Variants in SEMA6D observed in about 807,000 individuals in gnomAD.
The protein encoded by SEMA6D is semaphorin-6D.
In SEMA6D, 35 loss-of-function variants were observed where a neutral mutation model predicts 106.6. That is an observed-to-expected ratio of 0.33 (90% CI 0.25 to 0.44). SEMA6D has a LOEUF of 0.44. Ranked by LOEUF, SEMA6D falls within the 20% of genes least tolerant of loss-of-function variation. The pLI is 1.00. For synonymous variants in SEMA6D, 499 were observed against 487.7 expected (o/e 1.02, Z -0.31); for missense variants, 1,185 against 1,345.9 (o/e 0.88, Z 1.87).
rs1442620475 is a variant in SEMA6D, at chr15:47,748,661, AC to A, written c.-54-11083del. 3.3e-5 allele frequency among the ~76,000 whole-genome samples: 5 copies of A among 152,336 alleles called. No individual in the cohort carries two copies. In the East Asian group the frequency reaches 9.6e-4, roughly 29 times the overall value. Reference sequence around the variant, plus strand: ...AGAAAGAATAGCGTGTGCAGAAGACACTGCTTAGGGATCCAGGTGGGGAAGT... The same window carrying A: ...AGAAAGAATAGCGTGTGCAGAAGACATGCTTAGGGATCCAGGTGGGGAAGT... On this transcript the variant is annotated intron_variant, in intron 1 of 18. Coordinates refer to ENST00000536845, the MANE Select transcript of SEMA6D (RefSeq NM_001358351.3).
rs540740368 is a variant in SEMA6D, at chr15:47,197,257, T to C, written c.-239+12839T>C. ...TGATGATTTGATGCTGTACCCTGTA[T>C]ACGAGGTTATCTTCCAGATGTTTAG... On this transcript the variant is annotated intron_variant, in intron 1 of 19. Coordinates refer to the SEMA6D transcript ENST00000558014. Among the ~76,000 whole-genome samples the C allele has an allele frequency of 3.9e-5, 6 of 152,328 alleles. No homozygotes were observed. The South Asian group carries it at 8.3e-4, about 21-fold the overall frequency.
chr15:47,704,110 G>A lies in SEMA6D; in HGVS notation c.-54-55635G>A, dbSNP rs555831135. 7.2e-5 allele frequency among the ~76,000 whole-genome samples: 11 copies of A among 152,060 alleles called. No individual in the cohort carries two copies. The South Asian group carries it at 2.1e-3, about 29-fold the overall frequency. Reference sequence around the variant, plus strand: ...AGCACATGAAATAAGCTCTTCTATGGCTTATTTTTATCTGTCAGTATATAG... The same window carrying A: ...AGCACATGAAATAAGCTCTTCTATGACTTATTTTTATCTGTCAGTATATAG... On this transcript the variant is annotated intron_variant, in intron 4 of 19. Transcript: ENST00000558014.
At chr15:47,245,030 G>GTT (rs71425590) in intron 1 of SEMA6D, among the ~76,000 whole-genome samples, 3,807 of 147,780 alleles carry the variant, frequency 0.026, 139 homozygotes, top group African/African-American at 0.083. Flanking sequence ...ACATGATTTT[G>GTT]TTTTTTTTTT....
At chr15:47,559,043 T>C (rs2045999470) in intron 3 of SEMA6D, among the ~76,000 whole-genome samples, 1 of 151,992 alleles carries the variant, frequency 6.6e-6, no homozygotes, top group Admixed American at 6.6e-5. Context: ...AGCTTATGAT[T>C]TTGAATGGAT....
intron 1 of SEMA6D, among the ~76,000 whole-genome samples, chr15:47,732,260 T>C (rs985245490): frequency 6.6e-5 from 10 of 152,196 alleles, no homozygotes; most frequent in African/African-American, 2.2e-4. Flanking sequence ...TGCTCCAAGG[T>C]TGGTTAATTC....
chr15:47,259,672 T>A (rs941877157), intron 1 of SEMA6D, among the ~76,000 whole-genome samples: 2 of 152,210 alleles, frequency 1.3e-5, no homozygotes, highest in Non-Finnish European at 2.9e-5. Context: ...TCTCTGGATT[T>A]ATCTTATTTG....
At chr15:47,325,286 G>A (rs2037086671) in intron 1 of SEMA6D, among the ~76,000 whole-genome samples, 1 of 151,966 alleles carries the variant, frequency 6.6e-6, no homozygotes, top group Non-Finnish European at 1.5e-5. Context: ...TGATTCTCCT[G>A]CCTCAGCCTT....
chr15:47,558,968 A>G (rs1199842540), intron 3 of SEMA6D, among the ~76,000 whole-genome samples: 1 of 152,090 alleles, frequency 6.6e-6, no homozygotes, highest in Non-Finnish European at 1.5e-5. Context: ...GATGGGTTTG[A>G]AAGGGAAAAG....
At chr15:47,616,081 C>T (rs893251106) in intron 4 of SEMA6D, among the ~76,000 whole-genome samples, 9 of 152,202 alleles carry the variant, frequency 5.9e-5, no homozygotes, top group African/African-American at 1.2e-4. Flanking sequence ...AGTATGATTA[C>T]GTCTTATTTG....
At chr15:47,359,348 CATA>C (rs1055486870) in intron 1 of SEMA6D, 1 of 151,910 alleles carries the variant, frequency 6.6e-6, no homozygotes, top group Non-Finnish European at 1.5e-5. Context: ...TTTCCTTAAC[CATA>C]ATAATAATTT....
At chr15:47,310,939 A>G (rs1211053945) in intron 1 of SEMA6D, among the ~76,000 whole-genome samples, 4 of 152,222 alleles carry the variant, frequency 2.6e-5, no homozygotes, top group Non-Finnish European at 1.5e-5. Flanking sequence ...ATTAGGATCA[A>G]TTATATACTG....
At chr15:47,565,272 C>T (rs898638013) in intron 3 of SEMA6D, among the ~76,000 whole-genome samples, 8 of 152,172 alleles carry the variant, frequency 5.3e-5, no homozygotes, top group African/African-American at 1.2e-4. Context: ...TGCCCCAAAG[C>T]GCTCACCCCA....
intron 3 of SEMA6D, among the ~76,000 whole-genome samples, chr15:47,541,868 CT>C (rs10715926): frequency 0.11 from 16,449 of 152,140 alleles, 1,366 homozygotes; most frequent in African/African-American, 0.23. Flanking sequence ...GTTCTCTGTG[CT>C]GTTGCTGAAT....
In SEMA6D at chr15:47,774,175, G is replaced by T. The variant is rs1159502552; in HGVS notation, c.*2390G>T. 1 of 152,436 alleles carries T rather than the reference G, an allele frequency of 6.6e-6. No homozygotes were observed. The highest frequency in any genetic ancestry group is 2.4e-5 in the African/African-American group (1 of 41,390). 9.4% of individuals were successfully genotyped at this position (152,436 alleles called of 1,614,324 possible). On this transcript the variant is annotated 3_prime_UTR_variant, in exon 19 of 19. Coordinates refer to ENST00000536845, the MANE Select transcript of SEMA6D (RefSeq NM_001358351.3). ...GATGTGTAAATAATATGTACTTTGG[G>T]TTTTTAACACCGCATGTAAAGTCAA...
At position 47,759,176 on chromosome 15, in the gene SEMA6D, G is replaced by A. The variant is rs146481219; in HGVS notation, c.-54-569G>A. Reference sequence around the variant, plus strand: ...GGGTCATTCGTGTCATTGTCTCCACGTTGGTCGTAGTAAGCATAGGGAAAT... The same window carrying A: ...GGGTCATTCGTGTCATTGTCTCCACATTGGTCGTAGTAAGCATAGGGAAAT... On this transcript the variant is annotated intron_variant, in intron 1 of 18. Transcript: ENST00000536845. 7.1e-3 allele frequency among the ~76,000 whole-genome samples: 1,081 copies of A among 152,116 alleles called. 5 individuals carry two copies. Among genetic ancestry groups the A allele is most frequent in the Non-Finnish European group, 0.012 (790 of 67,990 alleles).
intron 3 of SEMA6D, among the ~76,000 whole-genome samples, chr15:47,536,414 T>C (rs192618868): frequency 2.1e-4 from 32 of 152,328 alleles, no homozygotes; most frequent in Middle Eastern, 3.4e-3. Flanking sequence ...TCCATTCTTA[T>C]TGGGGACACA....
intron 4 of SEMA6D, among the ~76,000 whole-genome samples, chr15:47,704,498 C>G (rs995226439): frequency 1.3e-5 from 2 of 152,274 alleles, no homozygotes; most frequent in African/African-American, 2.4e-5. Flanking sequence ...ATGGGCAGAT[C>G]ACTTGAGCCC....
At chr15:47,185,021 A>G (rs1893460092) in intron 1 of SEMA6D, among the ~76,000 whole-genome samples, 3 of 152,084 alleles carry the variant, frequency 2.0e-5, no homozygotes, top group African/African-American at 7.2e-5. Context: ...GGGGGCACCC[A>G]GAGCCCCGAA....
At chr15:47,744,852 C>A (rs1432622163) in intron 1 of SEMA6D, among the ~76,000 whole-genome samples, 2 of 152,086 alleles carry the variant, frequency 1.3e-5, no homozygotes, top group Admixed American at 6.5e-5. Flanking sequence ...AGTGAAGAAC[C>A]TTTTTCAATG....
Sources: gnomAD v4.1 joint callset for allele counts (sites outside exome capture counted in the v4.1 genomes callset) on GRCh38, gnomAD v4.1.1 for gene constraint, MANE v1.5 for transcripts, NCBI Gene and HGNC (gene_info 2026-07-23, HGNC 2026-07-21) for gene names.